KCNH3: variants seen among roughly 807,000 people sequenced by gnomAD.
The protein encoded by KCNH3 is voltage-gated inwardly rectifying potassium channel KCNH3.
KCNH3 carries 36 observed loss-of-function variants against 95.6 expected under a neutral mutation model. The observed-to-expected ratio is 0.38, with a 90% CI of 0.29 to 0.50. KCNH3 has a LOEUF of 0.50. Among genes scored for constraint, KCNH3 ranks in the 20% least tolerant of loss-of-function variants. The pLI is 0.95. For synonymous variants in KCNH3, 620 were observed against 646.3 expected, an observed-to-expected ratio of 0.96 and a Z score of 0.62; for missense variants, 1,030 against 1,484.1, an observed-to-expected ratio of 0.69 and a Z score of 5.03.
At chr12:49,551,574 CAA>C (rs59344956) in intron 10 of KCNH3, among the ~76,000 whole-genome samples, 1,004 of 57,456 alleles carry the variant, frequency 0.017, 3 homozygotes, top group Non-Finnish European at 0.026. Context: ...GACTCTGTCT[CAA>C]AAAAAAAAAA....
intron 7 of KCNH3, among the ~76,000 whole-genome samples, chr12:49,546,690 G>A (rs1331471894): frequency 1.3e-5 from 2 of 152,090 alleles, no homozygotes; most frequent in East Asian, 3.9e-4. Context: ...GCCTGACCCC[G>A]CCCACCTGGA....
chr12:49,543,934 T>C lies in KCNH3; in HGVS notation c.843T>C (p.Arg281=). The C allele has an allele frequency of 6.2e-7, 1 of 1,610,428 alleles. No individual in the cohort carries two copies. The highest frequency in any genetic ancestry group is 1.3e-5 in the African/African-American group (1 of 75,002). Residue 281 remains arginine, a synonymous_variant, in exon 6 of 15, where the codon CGT becomes CGC. Coordinates refer to ENST00000257981, the MANE Select transcript of KCNH3 (RefSeq NM_012284.3). Reference sequence around the variant, plus strand: ...CCACAGACATTGTGCTGAATTTCCGTACCACATTCGTGTCCAAGTCGGGCC... The same window carrying C: ...CCACAGACATTGTGCTGAATTTCCGCACCACATTCGTGTCCAAGTCGGGCC... ...LFILDIVLNF[R]TTFVSKSGQV... is the part of the protein sequence containing the mutation.
chr12:49,544,393 C>T lies in KCNH3; in HGVS notation c.1189+11C>T, dbSNP rs1449650589. On this transcript the variant is annotated intron_variant, in intron 7 of 14. Coordinates refer to ENST00000257981, the MANE Select transcript of KCNH3 (RefSeq NM_012284.3). ...AGCTGCCTGAGATTGGTACTGGAGG[C>T]TCCCTCTGCATGTGGTGGGGAGGGA... 2 of 1,611,564 alleles carry T rather than the reference C, an allele frequency of 1.2e-6. No homozygotes were observed. The highest frequency in any genetic ancestry group is 1.7e-6 in the Non-Finnish European group (2 of 1,179,648).
chr12:49,542,941 C>T, intron 4 of KCNH3, 102 bp downstream of exon 4: 1 of 1,401,848 alleles, frequency 7.1e-7, no homozygotes, highest in Non-Finnish European at 9.6e-7. Context: ...AGGGGCCACC[C>T]AGGCCTTGCC....
intron 8 of KCNH3, 119 bp from the exon 9 acceptor site, chr12:49,549,322 C>A (rs751917861): frequency 1.4e-6 from 2 of 1,460,792 alleles, no homozygotes; most frequent in African/African-American, 2.8e-5. Context: ...GGAGACTTCG[C>A]CCGCACAGCG....
rs1361389115 is a variant in KCNH3, at chr12:49,540,977, T to C, written c.155T>C (p.Leu52Pro). ...TACTGCTCTGATGGCTTCTGTGACCTCACGGGCTTCTCCCGGGCTGAGGTC... is the reference window on the plus strand; with the variant it reads ...TACTGCTCTGATGGCTTCTGTGACCCCACGGGCTTCTCCCGGGCTGAGGTC... ...VVYCSDGFCD[L>P]TGFSRAEVMQ... Residue 52 changes from leucine (L) to proline (P), a missense_variant, in exon 2 of 15, where the codon CTC (leucine) becomes CCC (proline). Transcript: ENST00000257981. The C allele has an allele frequency of 6.2e-7, 1 of 1,614,044 alleles. No homozygotes were observed.
intron 10 of KCNH3, among the ~76,000 whole-genome samples, chr12:49,552,040 TG>T (rs1211218470): frequency 6.6e-6 from 1 of 152,210 alleles, no homozygotes; most frequent in East Asian, 1.9e-4. Context: ...CCAGCTTTGG[TG>T]CCTACATGCG....
chr12:49,550,304 G>T lies in KCNH3; in HGVS notation c.1893G>T (p.Lys631Asn). 1 of 1,607,002 alleles carries T rather than the reference G, an allele frequency of 6.2e-7. No individual in the cohort carries two copies. The highest frequency in any genetic ancestry group is 8.5e-7 in the Non-Finnish European group (1 of 1,178,204). ...FVCSGSMEVL[K>N]GGTVLAILGK... Reference sequence around the variant, plus strand: ...GCTCTGGCTCCATGGAGGTGCTCAAGGGTGGCACCGTGCTCGCCATCCTAG... The same window carrying T: ...GCTCTGGCTCCATGGAGGTGCTCAATGGTGGCACCGTGCTCGCCATCCTAG... Residue 631 changes from lysine to asparagine, a missense_variant, in exon 10 of 15, where the codon AAG becomes AAT. Lys to Asn is a moderately conservative substitution (Grantham distance 94). Coordinates refer to ENST00000257981, the MANE Select transcript of KCNH3 (RefSeq NM_012284.3).
In KCNH3 at chr12:49,550,118, C is replaced by T. The variant is rs1213430496; in HGVS notation, c.1707C>T (p.Ile569=). ...QSLPDELRAD[I]AMHLHKEVLQ... The stretch of plus-strand genomic sequence containing the variant: ...TCCCTGACGAGCTGCGCGCAGACAT[C>T]GCCATGCACCTGCACAAGGAGGTCC... The change falls in exon 10 of 15, where the codon ATC becomes ATT. Residue 569 remains isoleucine (I), a synonymous_variant. Transcript: ENST00000257981. 1.3e-6 allele frequency: 2 copies of T among 1,542,958 alleles called. No homozygotes were observed. The highest frequency in any genetic ancestry group is 1.1e-5 in the South Asian group (1 of 90,064).
At chr12:49,546,424 T>G (rs1287320409) in intron 7 of KCNH3, among the ~76,000 whole-genome samples, 1 of 147,486 alleles carries the variant, frequency 6.8e-6, no homozygotes, top group Admixed American at 6.7e-5. Flanking sequence ...GAGAGTTCCT[T>G]GCAGGGGGAG....
rs749521300 is a variant in KCNH3, at chr12:49,550,207, G to A, written c.1796G>A (p.Arg599Gln). Residue 599 changes from arginine (R) to glutamine (Q), a missense_variant, in exon 10 of 15, where the codon CGG (arginine) becomes CAG (glutamine). This residue lies in a region of KCNH3 where 160 missense variants were observed against 316.2 expected (regional missense o/e 0.51). Transcript: ENST00000257981. ...GCLRALSLALRPAFCTPGEYL... is the reference protein window; with the variant it reads ...GCLRALSLALQPAFCTPGEYL... ...CTGCGGGCACTGTCTCTGGCCCTGC[G>A]GCCCGCCTTCTGCACGCCGGGCGAG... 4 of 1,609,264 alleles carry A rather than the reference G, an allele frequency of 2.5e-6. No homozygotes were observed. The highest frequency in any genetic ancestry group is 1.1e-5 in the South Asian group (1 of 91,072).
Position 49,554,345 on chromosome 12 carries a change from G to A in KCNH3, c.1927G>A (p.Asp643Asn), listed in dbSNP as rs1266126517. The A allele has an allele frequency of 3.1e-6, 5 of 1,613,352 alleles. No individual in the cohort carries two copies. Among genetic ancestry groups the A allele is most frequent in the South Asian group, 2.2e-5 (2 of 91,070 alleles). ...GTVLAILGKG[D>N]LIGCELPRRE... ...CTACTTCCTCTCCCCAGGGAAGGGC[G>A]ACCTGATCGGCTGTGAGCTGCCCCG... is the stretch of plus-strand genomic sequence containing the variant. The change falls in exon 11 of 15, where the codon GAC becomes AAC. Residue 643 changes from aspartate to asparagine, a missense_variant. Coordinates refer to ENST00000257981, the MANE Select transcript of KCNH3 (RefSeq NM_012284.3).
At chr12:49,540,487 A>G (rs1184678678) in intron 1 of KCNH3, among the ~76,000 whole-genome samples, 1 of 152,148 alleles carries the variant, frequency 6.6e-6, no homozygotes, top group Non-Finnish European at 1.5e-5. Flanking sequence ...CAGTGGGAGA[A>G]GCCAGACAGC....
chr12:49,548,094 A>ATG (rs1938122103), intron 7 of KCNH3, among the ~76,000 whole-genome samples: 5 of 108,374 alleles, frequency 4.6e-5, no homozygotes, highest in Admixed American at 2.7e-4. Flanking sequence ...GCCTGTGACT[A>ATG]CGTGTGTGTG....
chr12:49,555,718 A>C lies in KCNH3; in HGVS notation c.2235A>C (p.Pro745=). The C allele has an allele frequency of 6.2e-7, 1 of 1,612,896 alleles. No individual in the cohort carries two copies. The highest frequency in any genetic ancestry group is 8.5e-7 in the Non-Finnish European group (1 of 1,179,530). Residue 745 remains proline, a synonymous_variant, in exon 12 of 15, where the codon CCA becomes CCC. Coordinates refer to ENST00000257981, the MANE Select transcript of KCNH3 (RefSeq NM_012284.3). ...GEQGPTVSPA[P]ADEPSSPLLS... The stretch of plus-strand genomic sequence containing the variant: ...AGGGCCCCACGGTCTCCCCAGCCCC[A>C]GCTGATGAGCCCTCCAGCCCCCTGC...
chr12:49,552,493 G>C (rs570370728), intron 10 of KCNH3, among the ~76,000 whole-genome samples: 1 of 152,166 alleles, frequency 6.6e-6, no homozygotes, highest in African/African-American at 2.4e-5. Flanking sequence ...CTGGTTCCCC[G>C]ACCCCAATCA....
Position 49,557,553 on chromosome 12 carries a change from C to A in KCNH3, c.2852C>A (p.Pro951His). Residue 951 changes from proline (P) to histidine (H), a missense_variant, in exon 15 of 15, where the codon CCC becomes CAC. This residue lies in a region of KCNH3 where 464 missense variants were observed against 493.2 expected (regional missense o/e 0.94). Coordinates refer to ENST00000257981, the MANE Select transcript of KCNH3 (RefSeq NM_012284.3). Reference sequence around the variant, plus strand: ...GGGGCATCCTCCTACTGCCTGCAGCCCCCAGCTGGCTCTGTCTTGAGTGGG... The same window carrying A: ...GGGGCATCCTCCTACTGCCTGCAGCACCCAGCTGGCTCTGTCTTGAGTGGG... ...DTGASSYCLQPPAGSVLSGTW... is the reference protein window; with the variant it reads ...DTGASSYCLQHPAGSVLSGTW... 6.2e-7 allele frequency: 1 copy of A among 1,612,216 alleles called. No homozygotes were observed. Among genetic ancestry groups the A allele is most frequent in the Non-Finnish European group, 8.5e-7 (1 of 1,179,976 alleles).
intron 7 of KCNH3, among the ~76,000 whole-genome samples, chr12:49,545,613 G>A (rs920233117): frequency 3.9e-5 from 6 of 151,902 alleles, no homozygotes; most frequent in African/African-American, 1.5e-4. Context: ...GGATGGTCTC[G>A]ATCTCCTGAC....
chr12:49,544,128 C>A (rs540446701), intron 6 of KCNH3, 47 bp from the exon 7 acceptor site: 3 of 1,603,956 alleles, frequency 1.9e-6, no homozygotes, highest in South Asian at 1.1e-5. Flanking sequence ...CAGGCAGGGC[C>A]GGCCCGCTGA....
Sources: allele counts gnomAD v4.1 joint callset (sites outside exome capture counted in the v4.1 genomes callset), GRCh38; gene constraint gnomAD v4.1.1; regional missense constraint gnomAD v4.1.1; transcripts MANE v1.5; gene names NCBI Gene and HGNC (gene_info 2026-07-23, HGNC 2026-07-21).